Variants in ABCB5 observed in about 807,000 individuals in gnomAD.
ABCB5 encodes ATP-binding cassette sub-family B member 5.
Under a neutral mutation model 144.2 loss-of-function variants are expected in ABCB5, and 155 were observed. The ratio of observed to expected loss-of-function variants is 1.08; its 90% confidence interval spans 0.94 to 1.23. The LOEUF (loss-of-function observed/expected upper bound fraction) is 1.23, where lower values mean the gene tolerates loss of function less well. ABCB5 is among the 50% of genes most tolerant of loss of function. ABCB5 has a pLI of 0.00. For synonymous variants in ABCB5, 610 were observed against 528.6 expected, an observed-to-expected ratio of 1.15 and a Z score of -2.11; for missense variants, 1,830 against 1,520.8, an observed-to-expected ratio of 1.20 and a Z score of -3.38.
At chr7:20,716,896 C>T (rs1171288964) in intron 20 of ABCB5, among the ~76,000 whole-genome samples, 1 of 152,094 alleles carries the variant, frequency 6.6e-6, no homozygotes, top group Non-Finnish European at 1.5e-5. Flanking sequence ...CGAACCCCAG[C>T]GCAGCCTTAG....
rs927700757 is a variant in ABCB5, at chr7:20,628,903, G to C, written c.259+65G>C. 3.9e-6 allele frequency: 6 copies of C among 1,537,424 alleles called. No individual in the cohort carries two copies. The Admixed American group carries it at 7.0e-5, about 18-fold the overall frequency. On this transcript the variant is annotated intron_variant, in intron 4 of 27. Coordinates refer to ENST00000404938, the MANE Select transcript of ABCB5 (RefSeq NM_001163941.2). Reference sequence around the variant, plus strand: ...AAAGCATTGAATAAAGCAAACAAACGTTAAGCTAGCAAGGCAGATTATTGT... The same window carrying C: ...AAAGCATTGAATAAAGCAAACAAACCTTAAGCTAGCAAGGCAGATTATTGT...
intron 14 of ABCB5, 117 bp downstream of exon 14, chr7:20,658,793 A>C: frequency 8.0e-7 from 1 of 1,257,112 alleles, no homozygotes; most frequent in Non-Finnish European, 1.1e-6. Flanking sequence ...TAAGGTATAA[A>C]GGCAGGATGT....
At chr7:20,749,578 A>G (rs1402169685) in intron 26 of ABCB5, among the ~76,000 whole-genome samples, 3 of 151,820 alleles carry the variant, frequency 2.0e-5, no homozygotes, top group Admixed American at 6.6e-5. Context: ...ACAGCTACTG[A>G]GCATTTCTTT....
chr7:20,740,143 G>A (rs1055787562), intron 24 of ABCB5, among the ~76,000 whole-genome samples: 17 of 152,316 alleles, frequency 1.1e-4, no homozygotes, highest in African/African-American at 3.6e-4. Context: ...GGGAGGGCGA[G>A]ACAGGAGAAT....
rs767612400 is a variant in ABCB5 at position 20,731,595 on chromosome 7, G to T, written c.2867+3140G>T. Among the ~76,000 whole-genome samples the T allele has an allele frequency of 2.3e-4, 35 of 151,988 alleles. No homozygotes were observed. In the South Asian group the frequency reaches 2.5e-3, roughly 11 times the overall value. ...CACAAGACCCTTATCCAATTACTTAGGAGACACCTCCACTTGGAGGACTAA... is the reference window on the plus strand; with the variant it reads ...CACAAGACCCTTATCCAATTACTTATGAGACACCTCCACTTGGAGGACTAA... On this transcript the variant is annotated intron_variant, in intron 23 of 27. Coordinates refer to ENST00000404938, the MANE Select transcript of ABCB5 (RefSeq NM_001163941.2).
At chr7:20,711,949 A>C (rs1787088819) in intron 20 of ABCB5, among the ~76,000 whole-genome samples, 1 of 129,466 alleles carries the variant, frequency 7.7e-6, no homozygotes, top group Non-Finnish European at 1.6e-5. Context: ...TTCTTTCAAG[A>C]TATTGCTCAG....
At position 20,700,831 on chromosome 7, in the gene ABCB5, T is replaced by C. The variant is rs577896153; in HGVS notation, c.2337+696T>C. On this transcript the variant is annotated intron_variant, in intron 19 of 27. Transcript: ENST00000404938. ...AATCATTAGTAGCCCTTCACCTCACTTTCTGTCACAAAAGCTCACCAGGCA... is the reference window on the plus strand; with the variant it reads ...AATCATTAGTAGCCCTTCACCTCACCTTCTGTCACAAAAGCTCACCAGGCA... 3.3e-5 allele frequency among the ~76,000 whole-genome samples: 5 copies of C among 152,334 alleles called. No homozygotes were observed. In the South Asian group the frequency reaches 1.0e-3, roughly 32 times the overall value.
At chr7:20,675,328 G>T (rs1406879504) in intron 14 of ABCB5, among the ~76,000 whole-genome samples, 1 of 151,842 alleles carries the variant, frequency 6.6e-6, no homozygotes, top group Non-Finnish European at 1.5e-5. Context: ...AGAAAGCCCA[G>T]AAATAAATGT....
chr7:20,642,357 C>A (rs1784312099), intron 5 of ABCB5, among the ~76,000 whole-genome samples: 1 of 152,156 alleles, frequency 6.6e-6, no homozygotes, highest in Non-Finnish European at 1.5e-5. Context: ...ACTTCCTGCT[C>A]TTTTTATGGC....
intron 4 of ABCB5, among the ~76,000 whole-genome samples, chr7:20,630,379 C>T (rs187253206): frequency 6.0e-5 from 9 of 149,760 alleles, no homozygotes; most frequent in African/African-American, 2.2e-4. Context: ...TTCCAAAAAG[C>T]AAATCTTTAA....
intron 16 of ABCB5, among the ~76,000 whole-genome samples, chr7:20,689,161 T>C (rs1209828635): frequency 6.6e-6 from 1 of 152,088 alleles, no homozygotes; most frequent in African/African-American, 2.4e-5. Context: ...AAGACACCTC[T>C]AAAGAATACA....
chr7:20,748,911 T>G (rs1437927258), intron 26 of ABCB5, among the ~76,000 whole-genome samples: 1 of 152,184 alleles, frequency 6.6e-6, no homozygotes, highest in Non-Finnish European at 1.5e-5. Flanking sequence ...CAAGAATTAT[T>G]TAGCAAATTG....
At chr7:20,718,136 C>A (rs1484159688) in intron 20 of ABCB5, among the ~76,000 whole-genome samples, 2 of 151,334 alleles carry the variant, frequency 1.3e-5, no homozygotes, top group African/African-American at 4.9e-5. Context: ...GTCTTGATCT[C>A]CGGACCTCGT....
intron 16 of ABCB5, among the ~76,000 whole-genome samples, chr7:20,689,643 C>T (rs552591380): frequency 6.6e-6 from 1 of 152,190 alleles, no homozygotes; most frequent in Non-Finnish European, 1.5e-5. Flanking sequence ...CAGGCACCTG[C>T]CTCTGAAAAA....
intron 13 of ABCB5, among the ~76,000 whole-genome samples, chr7:20,656,980 C>A (rs1477336378): frequency 7.0e-6 from 1 of 143,644 alleles, no homozygotes; most frequent in Non-Finnish European, 1.5e-5. Flanking sequence ...AATGCACAAT[C>A]TCAGCTCACT....
chr7:20,721,198 T>TGCAGG (rs1262173778), intron 20 of ABCB5, among the ~76,000 whole-genome samples: 1 of 152,184 alleles, frequency 6.6e-6, no homozygotes, highest in Admixed American at 6.5e-5. Flanking sequence ...TCTCTAAGTA[T>TGCAGG]GCAGGGATGA....
intron 14 of ABCB5, among the ~76,000 whole-genome samples, chr7:20,678,060 G>T (rs1785671929): frequency 6.6e-6 from 1 of 151,488 alleles, no homozygotes; most frequent in Admixed American, 6.6e-5. Context: ...ATAAAATTGG[G>T]AAAACTGAGA....
At chr7:20,680,013 A>G (rs1404665410) in intron 14 of ABCB5, among the ~76,000 whole-genome samples, 1 of 152,240 alleles carries the variant, frequency 6.6e-6, no homozygotes, top group Non-Finnish European at 1.5e-5. Context: ...TCCAAATGTC[A>G]ATCAGGAATA....
At chr7:20,632,294 A>C (rs1316581998) in intron 5 of ABCB5, among the ~76,000 whole-genome samples, 181 bp downstream of exon 5, 2 of 152,152 alleles carry the variant, frequency 1.3e-5, no homozygotes, top group African/African-American at 4.8e-5. Context: ...TTTTTCTTCT[A>C]CTTGAAAGGT....
Sources: allele counts gnomAD v4.1 joint callset (sites outside exome capture counted in the v4.1 genomes callset), GRCh38; gene constraint gnomAD v4.1.1; transcripts MANE v1.5; gene names NCBI Gene and HGNC (gene_info 2026-07-23, HGNC 2026-07-21).